ZNF131: variants seen among roughly 807,000 people sequenced by gnomAD.
The protein encoded by ZNF131 is zinc finger and BTB domain containing 35, also known as zinc finger protein 131.
ZNF131 carries 7 observed loss-of-function variants against 60.0 expected under a neutral mutation model. The ratio of observed to expected loss-of-function variants is 0.12; its 90% confidence interval spans 0.07 to 0.22. The LOEUF (loss-of-function observed/expected upper bound fraction) is 0.22, where lower values mean the gene tolerates loss of function less well. Ranked by LOEUF, ZNF131 falls within the 10% of genes least tolerant of loss-of-function variation. The pLI, the probability that ZNF131 is intolerant of heterozygous loss-of-function variation, is 1.00. For missense variants in ZNF131, 493 were observed against 740.9 expected (o/e 0.67, Z 3.88); for synonymous variants, 257 against 253.2 (o/e 1.01, Z -0.14).
intron 4 of ZNF131, among the ~76,000 whole-genome samples, chr5:43,154,116 A>G (rs971341636): frequency 6.6e-5 from 10 of 152,176 alleles, no homozygotes; most frequent in African/African-American, 2.4e-4. Context: ...TGTAACCTAA[A>G]GAAGTGTCAG....
At chr5:43,129,860 G>C (rs1745070912) in intron 3 of ZNF131, among the ~76,000 whole-genome samples, 1 of 151,970 alleles carries the variant, frequency 6.6e-6, no homozygotes, top group Admixed American at 6.5e-5. Context: ...GTTTCACCAT[G>C]TTGGTCAAGC....
chr5:43,152,045 G>A (rs1289797970), intron 4 of ZNF131, among the ~76,000 whole-genome samples: 2 of 151,770 alleles, frequency 1.3e-5, no homozygotes, highest in Non-Finnish European at 1.5e-5. Context: ...CCGCTCTGTC[G>A]CCCAGGCTGG....
chr5:43,122,011 T>G (rs770723168), intron 1 of ZNF131, 28 bp from the exon 2 acceptor site: 11 of 1,608,994 alleles, frequency 6.8e-6, no homozygotes, highest in Non-Finnish European at 8.5e-6. Flanking sequence ...AGCTCATGGG[T>G]GTACATTATC....
Position 43,175,974 on chromosome 5 carries a change from A to G in ZNF131, c.*841A>G, listed in dbSNP as rs1230881301. ...TACATCTGTGGTAAACTTTATTTTG[A>G]TGAAAAGTTGCACTAGTATTTTACC... On this transcript the variant is annotated 3_prime_UTR_variant, in exon 7 of 7. Coordinates refer to ENST00000682664, the MANE Select transcript of ZNF131 (RefSeq NM_001330707.2). 6.6e-6 allele frequency: 1 copy of G among 152,308 alleles called. No homozygotes were observed. The highest frequency in any genetic ancestry group is 1.5e-5 in the Non-Finnish European group (1 of 68,100). 9.4% of individuals were successfully genotyped at this position (152,308 alleles called of 1,614,324 possible). A position where few individuals can be genotyped will look rare whatever the true frequency, so the allele number is the denominator to read the frequency against.
chr5:43,158,452 G>T (rs1168739082), intron 4 of ZNF131, among the ~76,000 whole-genome samples: 1 of 151,780 alleles, frequency 6.6e-6, no homozygotes, highest in Non-Finnish European at 1.5e-5. Flanking sequence ...ACCATGCCCG[G>T]CTAATTTTTG....
At chr5:43,126,713 A>G (rs1420785489) in intron 3 of ZNF131, among the ~76,000 whole-genome samples, 4 of 152,208 alleles carry the variant, frequency 2.6e-5, no homozygotes, top group African/African-American at 9.7e-5. Context: ...TCTTCCGATC[A>G]TCGTCTTTTT....
intron 4 of ZNF131, among the ~76,000 whole-genome samples, chr5:43,142,548 C>G (rs1746989571): frequency 1.3e-5 from 2 of 151,966 alleles, no homozygotes; most frequent in South Asian, 4.1e-4. Context: ...TCGTGATCCA[C>G]CTGCCTCGAC....
Position 43,161,295 on chromosome 5 carries a change from A to G in ZNF131, c.418A>G (p.Asn140Asp). Reference protein sequence around the residue: ...APLEENTTGKNEAKKRKIAET... With the variant: ...APLEENTTGKDEAKKRKIAET... ...CTTAGAGGAAAATACCACAGGAAAA[A>G]ATGAGGCCAAAAAAAGGAAGATTGC... is the stretch of plus-strand genomic sequence containing the variant. Residue 140 changes from asparagine (N) to aspartate (D), a missense_variant, in exon 5 of 7, where the codon AAT (asparagine) becomes GAT (aspartate). By Grantham distance (23) the Asn-to-Asp change is conservative. This residue lies in a region of ZNF131 where 138 missense variants were observed against 158.7 expected (regional missense o/e 0.87). Coordinates refer to ENST00000682664, the MANE Select transcript of ZNF131 (RefSeq NM_001330707.2). The G allele has an allele frequency of 6.2e-7, 1 of 1,613,358 alleles. No homozygotes were observed. Among genetic ancestry groups the G allele is most frequent in the South Asian group, 1.1e-5 (1 of 90,714 alleles).
chr5:43,142,083 T>C (rs1746909645), intron 4 of ZNF131, among the ~76,000 whole-genome samples: 2 of 151,854 alleles, frequency 1.3e-5, no homozygotes, highest in Admixed American at 6.6e-5. Flanking sequence ...GGCTCACACC[T>C]GTAATCCCAG....
At chr5:43,121,625 C>G (rs898592904) in intron 1 of ZNF131, 2 of 154,282 alleles carry the variant, frequency 1.3e-5, no homozygotes, top group African/African-American at 4.8e-5. Context: ...GAGGGAGAGG[C>G]GACCCGAGAG....
intron 4 of ZNF131, among the ~76,000 whole-genome samples, chr5:43,143,026 CTT>C (rs148965036): frequency 4.5e-4 from 62 of 136,642 alleles, no homozygotes; most frequent in Non-Finnish European, 4.9e-4. Context: ...ATCTTTCAAG[CTT>C]TTTTTTTTTT....
intron 5 of ZNF131, among the ~76,000 whole-genome samples, chr5:43,168,180 A>G (rs1750589720): frequency 6.6e-6 from 1 of 152,146 alleles, no homozygotes; most frequent in Non-Finnish European, 1.5e-5. Flanking sequence ...TCACCTCTTA[A>G]AGGTCCTACC....
At chr5:43,153,790 G>C (rs1748621840) in intron 4 of ZNF131, among the ~76,000 whole-genome samples, 1 of 152,130 alleles carries the variant, frequency 6.6e-6, no homozygotes, top group Non-Finnish European at 1.5e-5. Flanking sequence ...TAAATTCAGT[G>C]ATCAAACTGC....
At chr5:43,135,108 C>T (rs1209592916) in intron 3 of ZNF131, among the ~76,000 whole-genome samples, 1 of 151,948 alleles carries the variant, frequency 6.6e-6, no homozygotes, top group Non-Finnish European at 1.5e-5. Flanking sequence ...AAGCAACTCT[C>T]CTGCCTCAGC....
At chr5:43,151,986 G>T (rs1203135236) in intron 4 of ZNF131, among the ~76,000 whole-genome samples, 1 of 123,870 alleles carries the variant, frequency 8.1e-6, no homozygotes, top group Non-Finnish European at 1.7e-5. Context: ...AGGACAGTCA[G>T]TTGACTTCTT....
intron 4 of ZNF131, among the ~76,000 whole-genome samples, chr5:43,140,280 A>G (rs1746646240): frequency 6.6e-6 from 1 of 152,220 alleles, no homozygotes; most frequent in Non-Finnish European, 1.5e-5. Context: ...CAACATCCTT[A>G]CTTGATGAAT....
intron 4 of ZNF131, among the ~76,000 whole-genome samples, chr5:43,153,463 T>TAAAAAAAAAAA (rs35596507): frequency 3.3e-5 from 2 of 61,164 alleles, no homozygotes; most frequent in African/African-American, 7.5e-5. Flanking sequence ...CCATCTCTAC[T>TAAAAAAAAAAA]AAAAAAAAAA....
chr5:43,173,252 G>A lies in ZNF131; in HGVS notation c.1055-66G>A, dbSNP rs972398657. 75 of 1,421,968 alleles carry A rather than the reference G, an allele frequency of 5.3e-5. No homozygotes were observed. The African/African-American group carries it at 7.7e-4, about 15-fold the overall frequency. The allele number at this position is 1,421,968 out of a possible 1,614,324, so 88.1% of individuals were successfully genotyped here. A position where few individuals can be genotyped will look rare whatever the true frequency, so the allele number is the denominator to read the frequency against. ...AATTACCCAAAAAGAAAAAGTAAAC[G>A]TTTAAAATTATTTGCTCTTAGGATT... is the stretch of plus-strand genomic sequence containing the variant. On this transcript the variant is annotated intron_variant, in intron 5 of 6. Coordinates refer to ENST00000682664, the MANE Select transcript of ZNF131 (RefSeq NM_001330707.2).
At position 43,121,062 on chromosome 5, in the gene ZNF131, G is replaced by T. The variant is rs1348524086; in HGVS notation, c.-77G>T. On this transcript the variant is annotated 5_prime_UTR_variant, in exon 1 of 7. Coordinates refer to ENST00000682664, the MANE Select transcript of ZNF131 (RefSeq NM_001330707.2). The stretch of plus-strand genomic sequence containing the variant: ...CGTGGGGCGCATTATGCCCTGGGAG[G>T]GGAAAGCACGGAACAAGAGGCTCTG... 6.6e-6 allele frequency: 1 copy of T among 152,488 alleles called. No homozygotes were observed. The highest frequency in any genetic ancestry group is 2.4e-5 in the African/African-American group (1 of 41,456). 9.4% of individuals were successfully genotyped at this position (152,488 alleles called of 1,614,324 possible). A position where few individuals can be genotyped will look rare whatever the true frequency, so the allele number is the denominator to read the frequency against.
Sources: allele counts gnomAD v4.1 joint callset (sites outside exome capture counted in the v4.1 genomes callset), GRCh38; gene constraint gnomAD v4.1.1; regional missense constraint gnomAD v4.1.1; transcripts MANE v1.5; gene names NCBI Gene and HGNC (gene_info 2026-07-23, HGNC 2026-07-21).